Variants in COL21A1 observed in about 807,000 individuals in gnomAD.
The protein encoded by COL21A1 is collagen type XXI alpha 1 chain, also known as collagen alpha-1(XXI) chain.
A neutral mutation model predicts 137.9 loss-of-function variants in COL21A1; 149 were observed. The ratio of observed to expected loss-of-function variants is 1.08; its 90% CI spans 0.95 to 1.24. COL21A1 has a LOEUF of 1.24. COL21A1 is among the 50% of genes most tolerant of loss of function. The pLI, the probability that COL21A1 is intolerant of heterozygous loss-of-function variation, is 0.00. For missense variants in COL21A1, 1,167 were observed against 1,158.4 expected, an observed-to-expected ratio of 1.01 and a Z score of -0.11; for synonymous variants, 456 against 391.5, an observed-to-expected ratio of 1.16 and a Z score of -1.95.
intron 10 of COL21A1, among the ~76,000 whole-genome samples, chr6:56,152,546 C>A (rs907414653): frequency 6.6e-6 from 1 of 152,148 alleles, no homozygotes; most frequent in Non-Finnish European, 1.5e-5. Context: ...CACCAAAACA[C>A]ATACATGTAC....
At chr6:56,212,977 A>C (rs917130456) in intron 1 of COL21A1, among the ~76,000 whole-genome samples, 1 of 152,118 alleles carries the variant, frequency 6.6e-6, no homozygotes, top group Non-Finnish European at 1.5e-5. Flanking sequence ...GTTTTGCCTG[A>C]TTCTGCCATC....
intron 1 of COL21A1, among the ~76,000 whole-genome samples, chr6:56,375,962 G>T (rs1168427976): frequency 3.3e-5 from 5 of 152,176 alleles, no homozygotes; most frequent in Non-Finnish European, 7.3e-5. Flanking sequence ...TAACATGTTG[G>T]AAGTAAATAA....
chr6:56,284,196 C>T (rs545267129), intron 1 of COL21A1, among the ~76,000 whole-genome samples: 19 of 151,116 alleles, frequency 1.3e-4, no homozygotes, highest in Non-Finnish European at 2.4e-4. Context: ...TACAGGCACA[C>T]GCCACCACAC....
intron 1 of COL21A1, among the ~76,000 whole-genome samples, chr6:56,377,056 C>A (rs1195801114): frequency 6.6e-6 from 1 of 150,754 alleles, no homozygotes; most frequent in Non-Finnish European, 1.5e-5. Context: ...CAGCTCACTG[C>A]AACCTCCACC....
intron 1 of COL21A1, among the ~76,000 whole-genome samples, chr6:56,185,638 T>C (rs1266044013): frequency 6.6e-6 from 1 of 151,388 alleles, no homozygotes; most frequent in African/African-American, 2.4e-5. Flanking sequence ...GGTTTCACCT[T>C]GTTAGCCAGG....
intron 14 of COL21A1, among the ~76,000 whole-genome samples, chr6:56,125,070 G>C (rs1772925806): frequency 7.3e-6 from 1 of 136,912 alleles, no homozygotes; most frequent in Admixed American, 7.9e-5. Context: ...ACGCAGGCTG[G>C]AGTGCAGTGG....
chr6:56,059,829 C>A (rs1242198982), intron 28 of COL21A1, among the ~76,000 whole-genome samples, 189 bp downstream of exon 28: 1 of 152,080 alleles, frequency 6.6e-6, no homozygotes, highest in Non-Finnish European at 1.5e-5. Context: ...AATTTGACTT[C>A]TCTTTTTGAG....
chr6:56,158,790 C>T (rs922164807), intron 9 of COL21A1, among the ~76,000 whole-genome samples: 1 of 151,978 alleles, frequency 6.6e-6, no homozygotes, highest in African/African-American at 2.4e-5. Flanking sequence ...TTAGCAGCTG[C>T]CCCCCAAGAG....
intron 1 of COL21A1, among the ~76,000 whole-genome samples, chr6:56,191,591 CA>C (rs70986783): frequency 7.6e-4 from 92 of 121,160 alleles, no homozygotes; most frequent in Admixed American, 1.9e-3. Context: ...GACTCTATCT[CA>C]AAAAAAAAAA....
At chr6:56,357,211 A>G (rs1384420009) in intron 1 of COL21A1, among the ~76,000 whole-genome samples, 3 of 152,350 alleles carry the variant, frequency 2.0e-5, no homozygotes, top group South Asian at 4.1e-4. Context: ...TAGAGAAAAC[A>G]GTATCTACCT....
intron 1 of COL21A1, among the ~76,000 whole-genome samples, chr6:56,199,096 T>C (rs1269148534): frequency 6.6e-6 from 1 of 151,848 alleles, no homozygotes; most frequent in East Asian, 1.9e-4. Context: ...GCAATTCACC[T>C]GCAGAATTGG....
At chr6:56,139,038 A>G (rs1774206836) in intron 12 of COL21A1, among the ~76,000 whole-genome samples, 1 of 152,108 alleles carries the variant, frequency 6.6e-6, no homozygotes, top group African/African-American at 2.4e-5. Context: ...TAAGAGGAGG[A>G]AAGGCAGAAT....
At chr6:56,219,434 G>A (rs542707240) in intron 1 of COL21A1, among the ~76,000 whole-genome samples, 36 of 152,088 alleles carry the variant, frequency 2.4e-4, no homozygotes, top group African/African-American at 8.2e-4. Flanking sequence ...ATGCCCAACT[G>A]CACACCATAT....
chr6:56,097,215 A>G (rs1175658914), intron 17 of COL21A1, among the ~76,000 whole-genome samples: 1 of 152,102 alleles, frequency 6.6e-6, no homozygotes. Context: ...GAAAAGAAGT[A>G]AAGGAACCTC....
chr6:56,082,373 C>T (rs905500129), intron 17 of COL21A1, among the ~76,000 whole-genome samples: 1 of 151,870 alleles, frequency 6.6e-6, no homozygotes, highest in Non-Finnish European at 1.5e-5. Context: ...ATATGTAAAA[C>T]TTAAAATCAA....
At chr6:56,101,970 T>G (rs1770501741) in intron 16 of COL21A1, among the ~76,000 whole-genome samples, 1 of 152,174 alleles carries the variant, frequency 6.6e-6, no homozygotes, top group Non-Finnish European at 1.5e-5. Context: ...TGGAGTTATT[T>G]ATAGGTTATT....
intron 1 of COL21A1, among the ~76,000 whole-genome samples, chr6:56,288,536 CCT>C (rs1055326936): frequency 1.3e-5 from 2 of 152,124 alleles, no homozygotes; most frequent in Admixed American, 1.3e-4. Flanking sequence ...AGTCACACTC[CCT>C]GTTTTCACAC....
intron 1 of COL21A1, among the ~76,000 whole-genome samples, chr6:56,223,737 T>G (rs1164176825): frequency 6.6e-6 from 1 of 152,158 alleles, no homozygotes; most frequent in Middle Eastern, 3.2e-3. Flanking sequence ...TGCTCAAGTG[T>G]GTAACATCAT....
At chr6:56,087,329 A>C (rs1175858605) in intron 17 of COL21A1, among the ~76,000 whole-genome samples, 1 of 152,088 alleles carries the variant, frequency 6.6e-6, no homozygotes, top group Non-Finnish European at 1.5e-5. Context: ...CTTTCCATAC[A>C]ATACCATGTG....
Sources: gnomAD v4.1 joint callset for allele counts (sites outside exome capture counted in the v4.1 genomes callset) on GRCh38, gnomAD v4.1.1 for gene constraint, MANE v1.5 for transcripts, NCBI Gene and HGNC (gene_info 2026-07-23, HGNC 2026-07-21) for gene names.